Variants in OGDH observed in about 807,000 individuals in gnomAD.
OGDH encodes 2-oxoglutarate dehydrogenase complex component E1.
A neutral mutation model predicts 116.6 loss-of-function variants in OGDH; 38 were observed. The ratio of observed to expected loss-of-function variants is 0.33; its 90% confidence interval spans 0.25 to 0.43. The LOEUF (loss-of-function observed/expected upper bound fraction) is 0.43. OGDH is among the 20% of genes least tolerant of loss of function. OGDH has a pLI of 1.00. For synonymous variants in OGDH, 488 were observed against 533.3 expected, an observed-to-expected ratio of 0.92 and a Z score of 1.17; for missense variants, 825 against 1,357.2, an observed-to-expected ratio of 0.61 and a Z score of 6.16.
Position 44,694,693 on chromosome 7 carries a change from G to T in OGDH, c.1668+117G>T. 8.6e-7 allele frequency: 1 copy of T among 1,166,742 alleles called. No homozygotes were observed. Among genetic ancestry groups the T allele is most frequent in the East Asian group, 2.5e-5 (1 of 40,386 alleles). 72.3% of individuals were successfully genotyped at this position (1,166,742 alleles called of 1,614,324 possible). A position where few individuals can be genotyped will look rare whatever the true frequency, so the allele number is the denominator to read the frequency against. On this transcript the variant is annotated intron_variant, in intron 12 of 22. Transcript: ENST00000222673. The surrounding 1 kb of genome is among the most constrained non-coding windows in gnomAD (Gnocchi z 4.2). ...GTTATGAGGATACACGTGAGAGGAT[G>T]TGAAATATTTACAACTACAGCATTT...
chr7:44,708,097 C>G lies in OGDH; in HGVS notation c.*98C>G. 1.4e-6 allele frequency: 2 copies of G among 1,468,280 alleles called. No individual in the cohort carries two copies. 91.0% of individuals were successfully genotyped at this position (1,468,280 alleles called of 1,614,324 possible). A position where few individuals can be genotyped will look rare whatever the true frequency, so the allele number is the denominator to read the frequency against. On this transcript the variant is annotated 3_prime_UTR_variant, in exon 23 of 23. Transcript: ENST00000222673. ...TAGTGCCTCAGCGCTGCCCACACCA[C>G]CGCCCTCCTCGCTGTGCCACCACCC...
chr7:44,697,490 C>T lies in OGDH; in HGVS notation c.2172C>T (p.Gly724=). ...GCAACAGCTCACTGTCTGAGTACGG[C>T]GTGCTGGGTGAGTGCCTGGAGCCAC... is the stretch of plus-strand genomic sequence containing the variant. The part of the protein sequence containing the change: ...TVCNSSLSEY[G]VLGFELGFAM... The change falls in exon 16 of 23, where the codon GGC becomes GGT. Residue 724 remains glycine (G), a synonymous_variant. Transcript: ENST00000222673. This position sits in a 1 kb window ranked among gnomAD's most constrained non-coding sequence, Gnocchi z 6.0. 1 of 1,614,102 alleles carries T rather than the reference C, an allele frequency of 6.2e-7. No individual in the cohort carries two copies. The highest frequency in any genetic ancestry group is 8.5e-7 in the Non-Finnish European group (1 of 1,180,012).
intron 2 of OGDH, among the ~76,000 whole-genome samples, chr7:44,638,534 T>C (rs1295126383): frequency 1.3e-5 from 2 of 152,200 alleles, no homozygotes; most frequent in East Asian, 3.8e-4. Context: ...GGAATGTTTC[T>C]AGAAGTAGAA....
intron 7 of OGDH, 138 bp from the exon 8 acceptor site, chr7:44,675,040 T>G: frequency 2.9e-6 from 2 of 680,996 alleles, no homozygotes; most frequent in Non-Finnish European, 5.2e-6. Flanking sequence ...AGCTCCAGTT[T>G]ACAGCTATCC....
chr7:44,696,705 G>A, intron 14 of OGDH, 148 bp downstream of exon 14: 1 of 1,249,550 alleles, frequency 8.0e-7, no homozygotes, highest in Non-Finnish European at 1.1e-6. Context: ...GTGGTTGGAT[G>A]GAGCCACCTC....
chr7:44,642,935 A>T lies in OGDH; in HGVS notation c.223-2392A>T, dbSNP rs189968345. 5.2e-3 allele frequency among the ~76,000 whole-genome samples: 786 copies of T among 151,198 alleles called. 17 individuals carry two copies. In the East Asian group the frequency reaches 0.074, roughly 14 times the overall value. Reference sequence around the variant, plus strand: ...AGACTCTGTCTCAAAAAAAAAAAAAATTTTTAAATATAATTCACATAACAT... The same window carrying T: ...AGACTCTGTCTCAAAAAAAAAAAAATTTTTTAAATATAATTCACATAACAT... On this transcript the variant is annotated intron_variant, in intron 2 of 22. Transcript: ENST00000222673.
intron 2 of OGDH, among the ~76,000 whole-genome samples, chr7:44,627,106 C>G (rs974519199): frequency 6.6e-6 from 1 of 152,222 alleles, no homozygotes; most frequent in African/African-American, 2.4e-5. Flanking sequence ...AAGCGATTCT[C>G]CTGCCTCAGC....
At chr7:44,688,434 T>TC (rs1395454782) in intron 10 of OGDH, among the ~76,000 whole-genome samples, 1 of 147,878 alleles carries the variant, frequency 6.8e-6, no homozygotes, top group Non-Finnish European at 1.5e-5. Context: ...ATATATACTT[T>TC]TTTTTTTTTT....
intron 4 of OGDH, among the ~76,000 whole-genome samples, chr7:44,651,618 A>G (rs1300248553): frequency 2.0e-5 from 3 of 152,138 alleles, no homozygotes; most frequent in Non-Finnish European, 2.9e-5. Flanking sequence ...CTGGAGTGCA[A>G]TGGCACCATC....
chr7:44,675,093 G>A, intron 7 of OGDH, 85 bp from the exon 8 acceptor site: 6 of 1,030,946 alleles, frequency 5.8e-6, no homozygotes, highest in Non-Finnish European at 8.9e-6. Flanking sequence ...GGGGGGAGGG[G>A]GAGGGGGGGA....
At chr7:44,616,827 GTATATATACACATATACGTGTA>G (rs1483216265) in intron 1 of OGDH, among the ~76,000 whole-genome samples, 3 of 124,818 alleles carry the variant, frequency 2.4e-5, no homozygotes, top group African/African-American at 6.6e-5. Flanking sequence ...GTATATATGT[GTATATATACACATATACGTGTA>G]TATATATACA....
At chr7:44,671,613 A>C (rs1041631340) in intron 5 of OGDH, among the ~76,000 whole-genome samples, 1 of 147,218 alleles carries the variant, frequency 6.8e-6, no homozygotes, top group Non-Finnish European at 1.5e-5. Flanking sequence ...AATACAACAA[A>C]AAAAATTAGC....
In OGDH at chr7:44,648,102, G is replaced by T. The variant is rs551322458; in HGVS notation, c.517+343G>T. Reference sequence around the variant, plus strand: ...GGTTTTCAAATGTCAGTGCAGCACTGCCTTCAGTGAGGCATGTCCATGAGG... The same window carrying T: ...GGTTTTCAAATGTCAGTGCAGCACTTCCTTCAGTGAGGCATGTCCATGAGG... On this transcript the variant is annotated intron_variant, in intron 4 of 22. Coordinates refer to ENST00000222673, the MANE Select transcript of OGDH (RefSeq NM_002541.4). Among the ~76,000 whole-genome samples, 107 of 152,296 alleles carry T rather than the reference G, an allele frequency of 7.0e-4. 1 individual carries two copies. In the South Asian group the frequency reaches 0.022, roughly 31 times the overall value.
chr7:44,679,876 G>A (rs1040831192), intron 9 of OGDH, among the ~76,000 whole-genome samples: 1 of 152,094 alleles, frequency 6.6e-6, no homozygotes, highest in South Asian at 2.1e-4. Flanking sequence ...CTGCCAGCCC[G>A]CCCTGCAGAC....
At chr7:44,698,432 G>A (rs374878600) in intron 18 of OGDH, among the ~76,000 whole-genome samples, 169 bp downstream of exon 18, 6 of 152,054 alleles carry the variant, frequency 3.9e-5, no homozygotes, top group Admixed American at 1.3e-4. Flanking sequence ...GCTTCTGGGC[G>A]CCCTGGGATG....
chr7:44,681,424 C>T (rs555077688), intron 9 of OGDH, among the ~76,000 whole-genome samples: 1 of 152,288 alleles, frequency 6.6e-6, no homozygotes, highest in African/African-American at 2.4e-5. Context: ...GCTGCCCTCC[C>T]GGAACAGAGG....
intron 1 of OGDH, among the ~76,000 whole-genome samples, chr7:44,607,078 G>C (rs988704861): frequency 3.3e-5 from 5 of 152,194 alleles, no homozygotes; most frequent in African/African-American, 1.2e-4. Context: ...CTTCCCGACC[G>C]GGACGCACTC....
chr7:44,673,532 G>T (rs956722854), intron 5 of OGDH, among the ~76,000 whole-genome samples: 21 of 152,118 alleles, frequency 1.4e-4, no homozygotes, highest in African/African-American at 5.1e-4. Flanking sequence ...TTGTCCCTTG[G>T]CCTGCCCTTG....
chr7:44,668,289 T>C (rs1028660823), intron 5 of OGDH, among the ~76,000 whole-genome samples: 1 of 151,946 alleles, frequency 6.6e-6, no homozygotes, highest in African/African-American at 2.4e-5. Flanking sequence ...ATACAAAAAT[T>C]AGCGGGGTGT....
Sources: allele counts gnomAD v4.1 joint callset (sites outside exome capture counted in the v4.1 genomes callset), GRCh38; gene constraint gnomAD v4.1.1; non-coding constraint Gnocchi (gnomAD v3.1); transcripts MANE v1.5; gene names NCBI Gene and HGNC (gene_info 2026-07-23, HGNC 2026-07-21).